The following SPTLC2 variants were observed in gnomAD, a reference collection of about 807,000 sequenced individuals.
SPTLC2 encodes serine palmitoyltransferase long chain base subunit 2, also known as serine palmitoyltransferase 2.
In SPTLC2, 21 loss-of-function variants were observed where a neutral mutation model predicts 62.0. The ratio of observed to expected loss-of-function variants is 0.34; its 90% CI spans 0.24 to 0.49. SPTLC2 has a LOEUF of 0.49. Among genes scored for constraint, SPTLC2 ranks in the 20% least tolerant of loss-of-function variants. The pLI is 0.99. For missense variants in SPTLC2, 511 were observed against 713.0 expected, an observed-to-expected ratio of 0.72 and a Z score of 3.23; for synonymous variants, 261 against 261.8, an observed-to-expected ratio of 1.00 and a Z score of 0.03.
At chr14:77,524,768 C>T (rs1430197027) in intron 9 of SPTLC2, among the ~76,000 whole-genome samples, 1 of 151,802 alleles carries the variant, frequency 6.6e-6, no homozygotes, top group Non-Finnish European at 1.5e-5. Flanking sequence ...AGACACGTAT[C>T]GCATGTTCTG....
At chr14:77,512,456 A>G in intron 11 of SPTLC2, 53 bp from the exon 12 acceptor site, 1 of 1,613,744 alleles carries the variant, frequency 6.2e-7, no homozygotes, top group Non-Finnish European at 8.5e-7. Context: ...GGATGCAGGC[A>G]TGCCTGGTGT....
intron 9 of SPTLC2, among the ~76,000 whole-genome samples, chr14:77,542,135 G>C (rs1304182533): frequency 1.3e-5 from 2 of 151,180 alleles, no homozygotes; most frequent in Non-Finnish European, 2.9e-5. Flanking sequence ...GAAGAAGGAA[G>C]TAGGGTGAGA....
intron 9 of SPTLC2, among the ~76,000 whole-genome samples, chr14:77,525,360 G>C (rs2079403909): frequency 1.3e-5 from 2 of 148,274 alleles, no homozygotes; most frequent in Admixed American, 1.3e-4. Context: ...GGGAGGCCCA[G>C]ACAGGCGGAC....
At position 77,508,261 on chromosome 14, in the gene SPTLC2, A is replaced by G. The variant is rs2079315698; in HGVS notation, c.*4023T>C. The G allele has an allele frequency of 6.6e-6, 1 of 152,232 alleles. No individual in the cohort carries two copies. Among genetic ancestry groups the G allele is most frequent in the African/African-American group, 2.4e-5 (1 of 41,460 alleles). 9.4% of individuals were successfully genotyped at this position (152,232 alleles called of 1,614,324 possible). A position where few individuals can be genotyped will look rare whatever the true frequency, so the allele number is the denominator to read the frequency against. On this transcript the variant is annotated 3_prime_UTR_variant, in exon 12 of 12. Transcript: ENST00000216484. ...CAATTCATAATCTTCATGAATGTGG[A>G]CAGTTTGAAGGAAAACCACTACTCT...
chr14:77,571,534 C>T (rs28758456), intron 4 of SPTLC2, among the ~76,000 whole-genome samples: 9,581 of 148,360 alleles, frequency 0.065, 325 homozygotes, highest in Middle Eastern at 0.13. Context: ...AAAGGTTCTT[C>T]CCTCACTGTG....
chr14:77,586,049 C>T (rs939741544), intron 2 of SPTLC2, among the ~76,000 whole-genome samples: 2 of 150,720 alleles, frequency 1.3e-5, no homozygotes, highest in African/African-American at 4.9e-5. Flanking sequence ...ACTTTGACAA[C>T]GATGAACGTG....
intron 5 of SPTLC2, among the ~76,000 whole-genome samples, chr14:77,567,763 T>C (rs143122921): frequency 7.7e-4 from 118 of 152,324 alleles, no homozygotes; most frequent in African/African-American, 2.7e-3. Flanking sequence ...ATCATCATTA[T>C]ATTCTTCCTT....
At chr14:77,611,750 C>T (rs1566795579) in intron 1 of SPTLC2, among the ~76,000 whole-genome samples, 1 of 150,982 alleles carries the variant, frequency 6.6e-6, no homozygotes, top group Non-Finnish European at 1.5e-5. Context: ...CGCTTGAACC[C>T]GGGAGGTGGA....
chr14:77,565,812 T>G (rs1229245648), intron 5 of SPTLC2, among the ~76,000 whole-genome samples: 1 of 152,200 alleles, frequency 6.6e-6, no homozygotes, highest in Non-Finnish European at 1.5e-5. Flanking sequence ...AGTTAATTTC[T>G]TAGCTGTAAG....
chr14:77,607,377 C>T (rs2079910892), intron 1 of SPTLC2, among the ~76,000 whole-genome samples: 1 of 152,156 alleles, frequency 6.6e-6, no homozygotes, highest in Admixed American at 6.5e-5. Flanking sequence ...TAAATGGTTT[C>T]CGCCATTAAA....
intron 5 of SPTLC2, among the ~76,000 whole-genome samples, chr14:77,564,940 C>G (rs899328516): frequency 6.6e-6 from 1 of 151,734 alleles, no homozygotes; most frequent in Non-Finnish European, 1.5e-5. Context: ...GAAAAATCAC[C>G]ATTAGAACAC....
In SPTLC2 at chr14:77,527,737, C is replaced by CT. The variant is rs10711146; in HGVS notation, c.1304-6157dup. On this transcript the variant is annotated intron_variant, in intron 9 of 11. Coordinates refer to ENST00000216484, the MANE Select transcript of SPTLC2 (RefSeq NM_004863.4). ...TAAATTTTCTGAACGCTCAAGACTG[C>CT]TTTTTTTTTTGTTTTTTTGAAAGCC... is the stretch of plus-strand genomic sequence containing the variant. 9.5e-4 allele frequency among the ~76,000 whole-genome samples: 123 copies of CT among 128,990 alleles called. 1 individual carries two copies. The highest frequency in any genetic ancestry group is 2.4e-3 in the South Asian group (10 of 4,252). 84.6% of individuals were successfully genotyped at this position (128,990 alleles called of 152,430 possible). A position where few individuals can be genotyped will look rare whatever the true frequency, so the allele number is the denominator to read the frequency against.
At chr14:77,592,567 C>T (rs553455447) in intron 2 of SPTLC2, among the ~76,000 whole-genome samples, 11 of 152,218 alleles carry the variant, frequency 7.2e-5, no homozygotes, top group African/African-American at 2.4e-4. Flanking sequence ...GTCCCTTCGC[C>T]GTATCCTATC....
intron 1 of SPTLC2, 66 bp downstream of exon 1, chr14:77,616,382 C>CCCGCCCGG: frequency 1.9e-6 from 2 of 1,066,412 alleles, no homozygotes; most frequent in Non-Finnish European, 2.4e-6. Flanking sequence ...GAGACCTCGC[C>CCCGCCCGG]CCGCCCGGCC....
chr14:77,604,588 C>G (rs2079894695), intron 1 of SPTLC2, among the ~76,000 whole-genome samples: 1 of 152,104 alleles, frequency 6.6e-6, no homozygotes, highest in Non-Finnish European at 1.5e-5. Flanking sequence ...TATTTCCCGG[C>G]CAGATGCGGT....
intron 10 of SPTLC2, among the ~76,000 whole-genome samples, chr14:77,520,837 C>T (rs573284910): frequency 6.6e-6 from 1 of 152,312 alleles, no homozygotes; most frequent in East Asian, 1.9e-4. Flanking sequence ...GCCCACTGCT[C>T]GCCCTGGGGC....
intron 9 of SPTLC2, among the ~76,000 whole-genome samples, chr14:77,522,299 G>A (rs558320978): frequency 2.4e-4 from 37 of 152,076 alleles, no homozygotes; most frequent in African/African-American, 8.7e-4. Flanking sequence ...GATAGCTGGG[G>A]TTACGGGTGC....
At chr14:77,615,508 G>A (rs2079961724) in intron 1 of SPTLC2, among the ~76,000 whole-genome samples, 2 of 152,184 alleles carry the variant, frequency 1.3e-5, no homozygotes, top group African/African-American at 4.8e-5. Context: ...AGACTTAAAC[G>A]TATTAAAGTC....
chr14:77,587,759 A>AAATAATAATAATAATAATAATAAT (rs59005485), intron 2 of SPTLC2, among the ~76,000 whole-genome samples: 12 of 145,100 alleles, frequency 8.3e-5, no homozygotes, highest in Non-Finnish European at 1.5e-4. Flanking sequence ...CTCTGTCTCA[A>AAATAATAATAATAATAATAATAAT]AATAATAATA....
Sources: gnomAD v4.1 joint callset for allele counts (sites outside exome capture counted in the v4.1 genomes callset) on GRCh38, gnomAD v4.1.1 for gene constraint, MANE v1.5 for transcripts, NCBI Gene and HGNC (gene_info 2026-07-23, HGNC 2026-07-21) for gene names.